ZNF362: variants seen among roughly 807,000 people sequenced by gnomAD.
ZNF362 encodes zinc finger protein 362.
A neutral mutation model predicts 42.9 loss-of-function variants in ZNF362; 11 were observed. That is an observed-to-expected ratio of 0.26 (90% CI 0.16 to 0.42). The LOEUF is 0.42. Ranked by LOEUF, ZNF362 falls within the 20% of genes least tolerant of loss-of-function variation. The pLI is 1.00. For synonymous variants in ZNF362, 255 were observed against 257.3 expected, an observed-to-expected ratio of 0.99 and a Z score of 0.09; for missense variants, 362 against 576.2, an observed-to-expected ratio of 0.63 and a Z score of 3.81.
At chr1:33,147,987 C>T in the ZNF362 span, among the ~76,000 whole-genome samples, 3 of 152,092 alleles carry the variant, frequency 2.0e-5, no homozygotes, top group East Asian at 1.9e-4. The surrounding 1 kb of genome is among the most constrained non-coding windows in gnomAD (Gnocchi z 8.1). Context: ...ATGCCCAGGG[C>T]GGAGCACATA....
the ZNF362 span, among the ~76,000 whole-genome samples, chr1:33,231,424 C>T: frequency 6.6e-6 from 1 of 152,166 alleles, no homozygotes; most frequent in Non-Finnish European, 1.5e-5. Flanking sequence ...CCAATGAAGA[C>T]CAAGGCACGG....
chr1:33,136,358 C>A, the ZNF362 span, among the ~76,000 whole-genome samples: 7 of 145,284 alleles, frequency 4.8e-5, no homozygotes, highest in Admixed American at 4.9e-4. Context: ...TTCTCTCTCT[C>A]TCTGTCTTTC....
At chr1:33,168,774 GGGACACAGTGT>G in the ZNF362 span, among the ~76,000 whole-genome samples, 242 of 152,324 alleles carry the variant, frequency 1.6e-3, 1 homozygote, top group African/African-American at 5.7e-3. Context: ...TATCCAGCCT[GGGACACAGTGT>G]GGCTGAGAGG....
the ZNF362 span, among the ~76,000 whole-genome samples, chr1:33,250,549 A>G: frequency 6.6e-6 from 1 of 152,148 alleles, no homozygotes; most frequent in Admixed American, 6.5e-5. Flanking sequence ...GAATACGTGG[A>G]CACGTAGTGA....
At position 33,295,249 on chromosome 1, in the gene ZNF362, G is replaced by T. The variant is rs747434137; in HGVS notation, c.1090G>T (p.Ala364Ser). 2 of 1,614,220 alleles carry T rather than the reference G, an allele frequency of 1.2e-6. No homozygotes were observed. Among genetic ancestry groups the T allele is most frequent in the Non-Finnish European group, 8.5e-7 (1 of 1,180,044 alleles). The change falls in exon 8 of 9, where the codon GCC becomes TCC. Residue 364 changes from alanine (A) to serine (S), a missense_variant. Ala to Ser is a moderately conservative substitution (Grantham distance 99). Coordinates refer to ENST00000539719, the MANE Select transcript of ZNF362 (RefSeq NM_152493.3). ...TTTGCAGATCCACCTCTCGGCCCAC[G>T]CCATCAAGCACGCCAAGGCCTACTG... is the stretch of plus-strand genomic sequence containing the variant. ...ASLQIHLSAH[A>S]IKHAKAYCCS...
chr1:33,174,779 T>C, the ZNF362 span, among the ~76,000 whole-genome samples: 150 of 152,208 alleles, frequency 9.9e-4, no homozygotes, highest in Non-Finnish European at 1.5e-3. Flanking sequence ...AACCTACCAG[T>C]TTATGGGCCT....
the ZNF362 span, among the ~76,000 whole-genome samples, chr1:33,239,667 T>G: frequency 6.6e-6 from 1 of 152,124 alleles, no homozygotes. Context: ...TCAGATCTCA[T>G]GAGACTCACT....
the ZNF362 span, among the ~76,000 whole-genome samples, chr1:33,161,758 C>T: frequency 1.3e-5 from 2 of 152,120 alleles, no homozygotes; most frequent in Non-Finnish European, 2.9e-5. The surrounding 1 kb of genome is among the most constrained non-coding windows in gnomAD (Gnocchi z 4.3). Flanking sequence ...GCCCAGACTC[C>T]GCAGCTACTC....
At chr1:33,133,207 G>A in the ZNF362 span, among the ~76,000 whole-genome samples, 1 of 152,228 alleles carries the variant, frequency 6.6e-6, no homozygotes, top group East Asian at 1.9e-4. Flanking sequence ...AACAGATCCT[G>A]GACAAGGGCA....
At chr1:33,167,937 C>T in the ZNF362 span, among the ~76,000 whole-genome samples, 1 of 152,114 alleles carries the variant, frequency 6.6e-6, no homozygotes, top group African/African-American at 2.4e-5. The surrounding 1 kb of genome is among the most constrained non-coding windows in gnomAD (Gnocchi z 4.2). Flanking sequence ...GGGATTATGG[C>T]GAAGGACAAG....
At chr1:33,176,359 C>G in the ZNF362 span, 1 of 670,420 alleles carries the variant, frequency 1.5e-6, no homozygotes, top group Admixed American at 2.0e-5. Flanking sequence ...AGCCCCCTCC[C>G]TCCTTGGGTG....
At chr1:33,144,031 G>C in the ZNF362 span, among the ~76,000 whole-genome samples, 1 of 152,156 alleles carries the variant, frequency 6.6e-6, no homozygotes, top group Non-Finnish European at 1.5e-5. Flanking sequence ...TTCCTGTACA[G>C]AAGATAGTGT....
At chr1:33,147,051 A>G in the ZNF362 span, 1 of 961,970 alleles carries the variant, frequency 1.0e-6, no homozygotes, top group Middle Eastern at 2.5e-4. This position sits in a 1 kb window ranked among gnomAD's most constrained non-coding sequence, Gnocchi z 8.1. Flanking sequence ...TGGAGGCTGG[A>G]GGGTAAACAA....
chr1:33,288,743 C>CAAAAAAAAAAAAA (rs60197226), intron 6 of ZNF362, among the ~76,000 whole-genome samples: 434 of 27,296 alleles, frequency 0.016, 115 homozygotes, highest in African/African-American at 0.04. Context: ...GACTCTGTCT[C>CAAAAAAAAAAAAA]AAAAAAAAAA....
the ZNF362 span, among the ~76,000 whole-genome samples, chr1:33,226,897 A>G: frequency 1.3e-5 from 2 of 152,284 alleles, no homozygotes; most frequent in East Asian, 3.9e-4. Context: ...CAAGACACCC[A>G]TTATGCTAAG....
the ZNF362 span, among the ~76,000 whole-genome samples, chr1:33,246,211 A>G: frequency 6.6e-6 from 1 of 152,108 alleles, no homozygotes; most frequent in African/African-American, 2.4e-5. Flanking sequence ...GATTTGATTG[A>G]CTCAATATAG....
intron 6 of ZNF362, among the ~76,000 whole-genome samples, chr1:33,286,230 T>C (rs1163216189): frequency 6.6e-6 from 1 of 152,224 alleles, no homozygotes; most frequent in African/African-American, 2.4e-5. Flanking sequence ...CAATTTTATC[T>C]TTCTGAGTGG....
chr1:33,193,825 A>G, the ZNF362 span, among the ~76,000 whole-genome samples: 12 of 152,356 alleles, frequency 7.9e-5, no homozygotes, highest in African/African-American at 1.9e-4. Context: ...GAAGAAGAGC[A>G]TAGCCTTAAC....
At chr1:33,292,020 C>G (rs1351072443) in intron 6 of ZNF362, among the ~76,000 whole-genome samples, 1 of 152,182 alleles carries the variant, frequency 6.6e-6, no homozygotes, top group Non-Finnish European at 1.5e-5. Flanking sequence ...CAAACAGGGA[C>G]AATTTGACTT....
Sources: allele counts gnomAD v4.1 joint callset (sites outside exome capture counted in the v4.1 genomes callset), GRCh38; gene constraint gnomAD v4.1.1; non-coding constraint Gnocchi (gnomAD v3.1); transcripts MANE v1.5; gene names NCBI Gene and HGNC (gene_info 2026-07-23, HGNC 2026-07-21).